SLC27A6: variants seen among roughly 807,000 people sequenced by gnomAD.
SLC27A6 encodes solute carrier family 27 member 6, also known as long-chain fatty acid transport protein 6.
SLC27A6 carries 74 observed loss-of-function variants against 63.9 expected under a neutral mutation model. That is an observed-to-expected ratio of 1.16 (90% confidence interval 0.96 to 1.40). The LOEUF is 1.40. SLC27A6 is among the 40% of genes most tolerant of loss of function. The pLI is 0.00. For missense variants in SLC27A6, 794 were observed against 732.9 expected (o/e 1.08, Z -0.96); for synonymous variants, 287 against 260.8 (o/e 1.10, Z -0.97).
At chr5:128,992,870 C>T (rs946739989) in intron 4 of SLC27A6, among the ~76,000 whole-genome samples, 2 of 152,156 alleles carry the variant, frequency 1.3e-5, no homozygotes, top group Non-Finnish European at 2.9e-5. Context: ...CTTTCTAAAC[C>T]ATGTGCTCCA....
chr5:128,972,168 C>T (rs1003528100), intron 1 of SLC27A6, among the ~76,000 whole-genome samples: 1 of 152,122 alleles, frequency 6.6e-6, no homozygotes, highest in Non-Finnish European at 1.5e-5. Context: ...GTGGGTAACC[C>T]GACCTTTCTC....
chr5:128,996,661 G>A (rs1036561012), intron 4 of SLC27A6, among the ~76,000 whole-genome samples: 1 of 152,050 alleles, frequency 6.6e-6, no homozygotes, highest in African/African-American at 2.4e-5. Context: ...ATTTATGGCA[G>A]TGTGAGAGTG....
intron 5 of SLC27A6, 68 bp downstream of exon 5, chr5:129,016,147 C>A: frequency 1.8e-6 from 2 of 1,126,046 alleles, no homozygotes; most frequent in Non-Finnish European, 2.5e-6. Context: ...AATCCCAACA[C>A]TTTGGGACGC....
intron 1 of SLC27A6, among the ~76,000 whole-genome samples, chr5:128,973,238 TGAG>T (rs1750253326): frequency 6.6e-6 from 1 of 152,190 alleles, no homozygotes; most frequent in Admixed American, 6.5e-5. Context: ...GGGACCCACT[TGAG>T]GAGGCAGTCT....
chr5:128,986,442 G>C (rs1396611255), intron 2 of SLC27A6, among the ~76,000 whole-genome samples: 1 of 152,292 alleles, frequency 6.6e-6, no homozygotes, highest in East Asian at 1.9e-4. Flanking sequence ...ATTTGACTTA[G>C]ACATATTAAG....
intron 4 of SLC27A6, among the ~76,000 whole-genome samples, chr5:128,995,194 C>T (rs1164776712): frequency 2.6e-5 from 4 of 152,180 alleles, no homozygotes. Flanking sequence ...CTCTAGACAT[C>T]AGTGATCCTC....
chr5:129,011,765 A>G (rs1197447904), intron 4 of SLC27A6, among the ~76,000 whole-genome samples: 1 of 152,170 alleles, frequency 6.6e-6, no homozygotes, highest in Non-Finnish European at 1.5e-5. Flanking sequence ...GGGGCTACTG[A>G]TAAACCTGCC....
chr5:129,024,094 A>G (rs1194084479), intron 6 of SLC27A6, among the ~76,000 whole-genome samples: 4 of 152,118 alleles, frequency 2.6e-5, no homozygotes, highest in African/African-American at 9.7e-5. Flanking sequence ...AGTGAATTTA[A>G]AAAGGAGAGG....
chr5:128,979,668 A>G (rs931344018), intron 1 of SLC27A6, among the ~76,000 whole-genome samples: 46 of 152,300 alleles, frequency 3.0e-4, no homozygotes, highest in African/African-American at 1.1e-3. Context: ...AATAACATCA[A>G]ATGAAGTGTT....
At chr5:128,969,783 A>G (rs1184580422) in intron 1 of SLC27A6, among the ~76,000 whole-genome samples, 1 of 152,206 alleles carries the variant, frequency 6.6e-6, no homozygotes, top group Admixed American at 6.5e-5. Flanking sequence ...TGCCCTGGCC[A>G]GAATTTCCAA....
intron 4 of SLC27A6, among the ~76,000 whole-genome samples, chr5:128,992,048 A>G (rs996502826): frequency 6.6e-6 from 1 of 151,560 alleles, no homozygotes; most frequent in Non-Finnish European, 1.5e-5. Context: ...TTTATCTTTT[A>G]TTATCTGATT....
intron 4 of SLC27A6, among the ~76,000 whole-genome samples, chr5:129,013,086 C>T (rs541474780): frequency 4.6e-5 from 7 of 151,680 alleles, no homozygotes; most frequent in Non-Finnish European, 1.0e-4. Flanking sequence ...AGTTATACAT[C>T]CTTTTATATT....
At chr5:129,016,189 G>C in intron 5 of SLC27A6, 110 bp downstream of exon 5, 1 of 701,824 alleles carries the variant, frequency 1.4e-6, no homozygotes, top group Non-Finnish European at 2.3e-6. Flanking sequence ...TCAGGAGATC[G>C]AGACCATCCT....
rs1490559236 is a variant in SLC27A6, at chr5:129,027,207, A to G, written c.1330A>G (p.Thr444Ala). 6.2e-7 allele frequency: 1 copy of G among 1,613,450 alleles called. No individual in the cohort carries two copies. Among genetic ancestry groups the G allele is most frequent in the Non-Finnish European group, 8.5e-7 (1 of 1,179,612 alleles). ...TGGCTATGCTGGGCCTTATAAGCACACAAAAGACAAATTGCTTTGTGATGT... is the reference window on the plus strand; with the variant it reads ...TGGCTATGCTGGGCCTTATAAGCACGCAAAAGACAAATTGCTTTGTGATGT... ...FFGYAGPYKH[T>A]KDKLLCDVFK... The change falls in exon 7 of 10, where the codon ACA becomes GCA. Residue 444 changes from threonine (T) to alanine (A), a missense_variant. Physicochemically the swap from Thr to Ala is moderately conservative, Grantham distance 58. Transcript: ENST00000262462.
intron 1 of SLC27A6, among the ~76,000 whole-genome samples, chr5:128,969,352 G>T (rs1284585197): frequency 1.3e-5 from 2 of 152,130 alleles, no homozygotes; most frequent in East Asian, 1.9e-4. Context: ...AGTTACCTTG[G>T]GCAGTATGGC....
chr5:128,988,231 A>G (rs1011688044), intron 2 of SLC27A6, among the ~76,000 whole-genome samples: 47 of 152,212 alleles, frequency 3.1e-4, no homozygotes, highest in Non-Finnish European at 6.0e-4. Context: ...ATTTTCAGGC[A>G]CATAAGGACT....
At chr5:128,994,166 CA>C (rs928736704) in intron 4 of SLC27A6, among the ~76,000 whole-genome samples, 19 of 143,000 alleles carry the variant, frequency 1.3e-4, no homozygotes, top group South Asian at 2.2e-4. Flanking sequence ...GACTCTGTCT[CA>C]AAAAAAAAAT....
intron 4 of SLC27A6, among the ~76,000 whole-genome samples, chr5:129,007,467 ATAATG>A (rs1751582890): frequency 1.3e-5 from 1 of 79,128 alleles, no homozygotes; most frequent in Non-Finnish European, 3.3e-5. Flanking sequence ...AAAAAAAAAT[ATAATG>A]TTAAAAATAA....
At chr5:128,967,780 A>G (rs1020405258) in intron 1 of SLC27A6, among the ~76,000 whole-genome samples, 1 of 152,080 alleles carries the variant, frequency 6.6e-6, no homozygotes, top group Admixed American at 6.6e-5. Flanking sequence ...TTATTATTAT[A>G]CTTTAAGTTC....
Sources: allele counts gnomAD v4.1 joint callset (sites outside exome capture counted in the v4.1 genomes callset), GRCh38; gene constraint gnomAD v4.1.1; transcripts MANE v1.5; gene names NCBI Gene and HGNC (gene_info 2026-07-23, HGNC 2026-07-21).